ZFYVE9: variants seen among roughly 807,000 people sequenced by gnomAD.
The protein encoded by ZFYVE9 is zinc finger FYVE-type containing 9.
Under a neutral mutation model 126.7 loss-of-function variants are expected in ZFYVE9, and 43 were observed. That is an observed-to-expected ratio of 0.34 (90% CI 0.27 to 0.44). The LOEUF (loss-of-function observed/expected upper bound fraction) is 0.44, where lower values mean the gene tolerates loss of function less well. Among genes scored for constraint, ZFYVE9 ranks in the 20% least tolerant of loss-of-function variants. The pLI is 1.00. For missense variants in ZFYVE9, 1,476 were observed against 1,697.0 expected, an observed-to-expected ratio of 0.87 and a Z score of 2.29; for synonymous variants, 521 against 597.4, an observed-to-expected ratio of 0.87 and a Z score of 1.87.
intron 12 of ZFYVE9, among the ~76,000 whole-genome samples, chr1:52,297,059 G>T (rs546849465): frequency 4.2e-4 from 64 of 152,040 alleles, no homozygotes; most frequent in Admixed American, 9.2e-4. Flanking sequence ...ACCTGCCTCA[G>T]CCTCCCAAAG....
At chr1:52,293,762 T>A in intron 11 of ZFYVE9, 85 bp downstream of exon 11, 1 of 1,305,134 alleles carries the variant, frequency 7.7e-7, no homozygotes, top group Non-Finnish European at 1.1e-6. Context: ...GTGATATAAT[T>A]CAGCAGAAAT....
chr1:52,212,690 A>T (rs1645038758), intron 1 of ZFYVE9, among the ~76,000 whole-genome samples: 1 of 152,210 alleles, frequency 6.6e-6, no homozygotes, highest in Non-Finnish European at 1.5e-5. Flanking sequence ...CATTCCACAT[A>T]TTTTGAATAC....
chr1:52,174,467 T>C (rs1363275364), intron 1 of ZFYVE9, among the ~76,000 whole-genome samples: 1 of 151,954 alleles, frequency 6.6e-6, no homozygotes, highest in Non-Finnish European at 1.5e-5. Context: ...GTGCTGAGAA[T>C]AATGTATATT....
chr1:52,147,892 T>G (rs993461792), intron 1 of ZFYVE9, among the ~76,000 whole-genome samples: 1 of 152,156 alleles, frequency 6.6e-6, no homozygotes, highest in South Asian at 2.1e-4. Flanking sequence ...GTTTTTTTGA[T>G]TATAACCATC....
intron 1 of ZFYVE9, among the ~76,000 whole-genome samples, chr1:52,148,851 A>C (rs184638734): frequency 1.3e-3 from 201 of 149,038 alleles, no homozygotes; most frequent in Non-Finnish European, 2.3e-3. Context: ...CATGTTGGCC[A>C]GGCCGGTCTC....
chr1:52,204,937 T>G (rs1394250530), intron 1 of ZFYVE9, among the ~76,000 whole-genome samples: 1 of 152,198 alleles, frequency 6.6e-6, no homozygotes, highest in African/African-American at 2.4e-5. Context: ...CAATTATAAT[T>G]CAAGCTTTTC....
intron 1 of ZFYVE9, among the ~76,000 whole-genome samples, chr1:52,202,849 CT>C: frequency 6.6e-6 from 1 of 151,476 alleles, no homozygotes; most frequent in Admixed American, 6.6e-5. Context: ...CCATGCCTGG[CT>C]AATTTTTGTA....
chr1:52,293,941 G>A (rs1250138467), intron 11 of ZFYVE9, among the ~76,000 whole-genome samples: 6 of 152,136 alleles, frequency 3.9e-5, no homozygotes, highest in Non-Finnish European at 1.5e-5. Context: ...AAGTGAATTT[G>A]AACTTAAGTA....
chr1:52,324,516 G>A (rs1022977298), intron 13 of ZFYVE9, among the ~76,000 whole-genome samples: 1 of 152,252 alleles, frequency 6.6e-6, no homozygotes, highest in East Asian at 1.9e-4. Flanking sequence ...CACTTATGCT[G>A]TTTCCTCTGT....
At chr1:52,177,424 G>C (rs1386371394) in intron 1 of ZFYVE9, among the ~76,000 whole-genome samples, 1 of 152,178 alleles carries the variant, frequency 6.6e-6, no homozygotes, top group Admixed American at 6.5e-5. Context: ...TGGATTACAG[G>C]CGTGAGCCAC....
intron 4 of ZFYVE9, chr1:52,252,600 C>G (rs1338064585): frequency 4.4e-6 from 1 of 227,470 alleles, no homozygotes. Context: ...CCTCATGATA[C>G]GCCCACCTTG....
chr1:52,196,932 C>T (rs1008089168), intron 1 of ZFYVE9, among the ~76,000 whole-genome samples: 1 of 151,950 alleles, frequency 6.6e-6, no homozygotes, highest in Admixed American at 6.6e-5. Context: ...CTCATAAGGT[C>T]TTAGTAAGGA....
intron 4 of ZFYVE9, among the ~76,000 whole-genome samples, chr1:52,255,090 C>CAAA (rs564246034): frequency 1.6e-5 from 1 of 62,120 alleles, no homozygotes. Context: ...GACCATGTCT[C>CAAA]AAAAAAAAAA....
At chr1:52,319,400 G>A (rs983866107) in intron 13 of ZFYVE9, among the ~76,000 whole-genome samples, 5 of 151,984 alleles carry the variant, frequency 3.3e-5, no homozygotes, top group Admixed American at 3.3e-4. Flanking sequence ...CGATGTGGGC[G>A]GATCACATGA....
intron 1 of ZFYVE9, among the ~76,000 whole-genome samples, chr1:52,193,393 C>CAAA (rs397863555): frequency 1.0e-5 from 1 of 95,828 alleles, no homozygotes; most frequent in Non-Finnish European, 2.2e-5. Context: ...TTGTCAGTAT[C>CAAA]AAAAAAAAAA....
chr1:52,201,755 A>AT (rs973408051), intron 1 of ZFYVE9, among the ~76,000 whole-genome samples: 4 of 151,180 alleles, frequency 2.6e-5, no homozygotes, highest in African/African-American at 4.9e-5. Context: ...CTTCAAAGCA[A>AT]TTTTTAAAAA....
At chr1:52,200,944 G>A (rs1029279878) in intron 1 of ZFYVE9, among the ~76,000 whole-genome samples, 1 of 152,116 alleles carries the variant, frequency 6.6e-6, no homozygotes, top group African/African-American at 2.4e-5. Flanking sequence ...GTTCTTCTCT[G>A]TCAATAATGT....
At chr1:52,255,986 TTCC>T (rs1310556786) in intron 4 of ZFYVE9, among the ~76,000 whole-genome samples, 1 of 131,860 alleles carries the variant, frequency 7.6e-6, no homozygotes, top group African/African-American at 3.3e-5. Context: ...CTTTCTTTCC[TTCC>T]TTCCTTCCTT....
intron 1 of ZFYVE9, among the ~76,000 whole-genome samples, chr1:52,185,254 A>G (rs2124547471): frequency 6.6e-6 from 1 of 152,318 alleles, no homozygotes; most frequent in East Asian, 1.9e-4. Context: ...ATTTTCATTA[A>G]CAAAGGGTTG....
Sources: gnomAD v4.1 joint callset for allele counts (sites outside exome capture counted in the v4.1 genomes callset) on GRCh38, gnomAD v4.1.1 for gene constraint, MANE v1.5 for transcripts, NCBI Gene and HGNC (gene_info 2026-07-23, HGNC 2026-07-21) for gene names.